CA6: variants seen among roughly 807,000 people sequenced by gnomAD.
The protein encoded by CA6 is carbonate dehydratase VI.
A neutral mutation model predicts 35.9 loss-of-function variants in CA6; 28 were observed. The observed-to-expected ratio is 0.78, with a 90% confidence interval of 0.58 to 1.07. The LOEUF is 1.07. Among genes scored for constraint, CA6 ranks in the 50% least tolerant of loss-of-function variants. The pLI, the probability that CA6 is intolerant of heterozygous loss-of-function variation, is 0.00. For missense variants in CA6, 377 were observed against 382.0 expected, an observed-to-expected ratio of 0.99 and a Z score of 0.11; for synonymous variants, 148 against 152.6, an observed-to-expected ratio of 0.97 and a Z score of 0.22.
At chr1:8,965,435 C>T (rs538219904) in intron 5 of CA6, among the ~76,000 whole-genome samples, 3 of 152,280 alleles carry the variant, frequency 2.0e-5, no homozygotes, top group South Asian at 2.1e-4. Flanking sequence ...CTTCTGGTAA[C>T]CACAGTTTCT....
intron 6 of CA6, among the ~76,000 whole-genome samples, chr1:8,970,186 C>T (rs1429894030): frequency 1.7e-5 from 2 of 116,522 alleles, no homozygotes; most frequent in Non-Finnish European, 3.2e-5. Flanking sequence ...AGCCTGGCGA[C>T]AGAGCGAGAC....
chr1:8,965,774 C>T (rs781433228), intron 5 of CA6, among the ~76,000 whole-genome samples: 5 of 151,582 alleles, frequency 3.3e-5, no homozygotes, highest in African/African-American at 1.2e-4. Context: ...GTATTCCCAG[C>T]TACTCAGGAG....
At chr1:8,957,971 G>C (rs944526149) in intron 3 of CA6, among the ~76,000 whole-genome samples, 12 of 151,942 alleles carry the variant, frequency 7.9e-5, no homozygotes, top group Non-Finnish European at 7.4e-5. Context: ...CCAAAAGACT[G>C]TGCGATGGTA....
At chr1:8,960,435 T>C (rs552647243) in intron 4 of CA6, among the ~76,000 whole-genome samples, 7 of 143,960 alleles carry the variant, frequency 4.9e-5, no homozygotes, top group African/African-American at 1.8e-4. Context: ...GTTTGAAGAA[T>C]GAAAGGAAAC....
intron 1 of CA6, among the ~76,000 whole-genome samples, chr1:8,946,260 A>T (rs1298568534): frequency 6.6e-6 from 1 of 151,634 alleles, no homozygotes; most frequent in Non-Finnish European, 1.5e-5. Context: ...CTGGTCTCGA[A>T]CTCCTGACCT....
At chr1:8,962,098 C>G (rs1006702379) in intron 4 of CA6, among the ~76,000 whole-genome samples, 1 of 151,984 alleles carries the variant, frequency 6.6e-6, no homozygotes, top group Non-Finnish European at 1.5e-5. Context: ...AAAAATTAGC[C>G]AGGTGTGGTG....
rs776228059 is a variant in CA6, at chr1:8,951,385, G to A, written c.259+1943G>A. 9.4e-6 allele frequency: 7 copies of A among 742,340 alleles called. 1 individual carries two copies. Among genetic ancestry groups the A allele is most frequent in the African/African-American group, 5.1e-5 (3 of 58,412 alleles). The allele number at this position is 742,340 out of a possible 1,614,324, so 46.0% of individuals were successfully genotyped here. Reference sequence around the variant, plus strand: ...AAAGCCTCATTTTCATCATAATGTCGAGCTCTTGTTTCCAAAGTTACTCTC... The same window carrying A: ...AAAGCCTCATTTTCATCATAATGTCAAGCTCTTGTTTCCAAAGTTACTCTC... On this transcript the variant is annotated intron_variant, in intron 2 of 7. Transcript: ENST00000377443.
chr1:8,973,772 CTTTCT>C lies in CA6; in HGVS notation c.845-847_845-843del, dbSNP rs1277900960. Among the ~76,000 whole-genome samples the C allele has an allele frequency of 9.0e-4, 18 of 20,000 alleles. 1 individual carries two copies. The highest frequency in any genetic ancestry group is 1.4e-3 in the Non-Finnish European group (17 of 12,402). 13.1% of individuals were successfully genotyped at this position (20,000 alleles called of 152,430 possible). On this transcript the variant is annotated intron_variant, in intron 7 of 7. Coordinates refer to ENST00000377443, the MANE Select transcript of CA6 (RefSeq NM_001215.4). ...TCTTTCTTTCTTTCTTTCTTTCTTT[CTTTCT>C]TTCTTTCTTTTCCCTCCCTCCCTCT...
At position 8,963,195 on chromosome 1, in the gene CA6, C is replaced by T. The variant is rs757930405; in HGVS notation, c.571+539C>T. On this transcript the variant is annotated intron_variant, in intron 5 of 7. Transcript: ENST00000377443. The surrounding 1 kb of genome is among the most constrained non-coding windows in gnomAD (Gnocchi z 4.1). ...ATCCTCGACTTCACACGTCCCATTC[C>T]GGCCACACCTCCCAGCCTCCCAGTC... 6.6e-6 allele frequency among the ~76,000 whole-genome samples: 1 copy of T among 152,170 alleles called. No homozygotes were observed. The highest frequency in any genetic ancestry group is 2.4e-5 in the African/African-American group (1 of 41,416).
intron 6 of CA6, 39 bp from the exon 7 acceptor site, chr1:8,970,828 T>C: frequency 2.4e-6 from 3 of 1,227,708 alleles, no homozygotes; most frequent in Non-Finnish European, 3.6e-6. Flanking sequence ...AATTACCCAG[T>C]GACTCTTCCC....
chr1:8,961,620 T>C (rs1365418434), intron 4 of CA6, among the ~76,000 whole-genome samples: 1 of 151,956 alleles, frequency 6.6e-6, no homozygotes, highest in Non-Finnish European at 1.5e-5. Context: ...GGTGGACCAA[T>C]GCAACAAAAA....
chr1:8,974,715 G>T lies in CA6; in HGVS notation c.*11G>T. ...AGAGCATTGAACTGAGGAAAGCTAA[G>T]AGGAAGATTCAATATTAACTAGCTT... On this transcript the variant is annotated 3_prime_UTR_variant, in exon 8 of 8. Transcript: ENST00000377443. 1.3e-6 allele frequency: 2 copies of T among 1,558,982 alleles called. No homozygotes were observed. The highest frequency in any genetic ancestry group is 8.8e-7 in the Non-Finnish European group (1 of 1,142,820).
chr1:8,947,908 G>C (rs944900317), intron 1 of CA6, among the ~76,000 whole-genome samples: 2 of 150,956 alleles, frequency 1.3e-5, no homozygotes, highest in Admixed American at 1.3e-4. Context: ...GCAGTGGCGC[G>C]ATCTCGGCTC....
At chr1:8,961,009 T>G (rs896929815) in intron 4 of CA6, among the ~76,000 whole-genome samples, 2 of 152,146 alleles carry the variant, frequency 1.3e-5, no homozygotes, top group African/African-American at 2.4e-5. Flanking sequence ...GGATTTATTA[T>G]ATGTAGGGGA....
chr1:8,972,950 C>T (rs969727796), intron 7 of CA6, among the ~76,000 whole-genome samples: 15 of 152,078 alleles, frequency 9.9e-5, no homozygotes, highest in Non-Finnish European at 2.9e-5. Context: ...TCCCTTTGTC[C>T]GAAAGTGATG....
At chr1:8,974,417 C>A in intron 7 of CA6, 6 of 1,538,372 alleles carry the variant, frequency 3.9e-6, no homozygotes, top group Non-Finnish European at 5.2e-6. Flanking sequence ...CACGCCACCC[C>A]TTGGCTCTGG....
chr1:8,958,888 C>T (rs760640519), intron 3 of CA6, 22 bp from the exon 4 acceptor site: 1 of 1,338,666 alleles, frequency 7.5e-7, no homozygotes, highest in Admixed American at 1.8e-5. Flanking sequence ...TGCCCTTGAC[C>T]CACTCTACCT....
At chr1:8,951,713 C>G (rs768641352) in intron 2 of CA6, 2 of 759,346 alleles carry the variant, frequency 2.6e-6, no homozygotes, top group Non-Finnish European at 2.4e-6. Context: ...GGGCTCTGCT[C>G]AAATTTCTGT....
rs747480309 is a variant in CA6, at chr1:8,957,233, C to T, written c.356C>T (p.Ser119Leu). The change falls in exon 3 of 8, where the codon TCG (serine) becomes TTG (leucine). Residue 119 changes from serine (S) to leucine (L), a missense_variant. Physicochemically the swap from Ser to Leu is moderately radical, Grantham distance 145 (BLOSUM62 -2). Coordinates refer to ENST00000377443, the MANE Select transcript of CA6 (RefSeq NM_001215.4). ...QMHFHWGGAS[S>L]EISGSEHTVD... ...CACTTTCACTGGGGAGGTGCGTCCTCGGAGATCAGCGGCTCTGAGCACACC... is the reference window on the plus strand; with the variant it reads ...CACTTTCACTGGGGAGGTGCGTCCTTGGAGATCAGCGGCTCTGAGCACACC... The T allele has an allele frequency of 2.1e-5, 34 of 1,613,988 alleles. No individual in the cohort carries two copies. The highest frequency in any genetic ancestry group is 3.3e-4 in the Middle Eastern group (2 of 6,084).
Sources: allele counts gnomAD v4.1 joint callset (sites outside exome capture counted in the v4.1 genomes callset), GRCh38; gene constraint gnomAD v4.1.1; non-coding constraint Gnocchi (gnomAD v3.1); transcripts MANE v1.5; gene names NCBI Gene and HGNC (gene_info 2026-07-23, HGNC 2026-07-21).